Variants in TRPM2 observed in about 807,000 individuals in gnomAD.
TRPM2 encodes transient receptor potential cation channel subfamily M member 2, also known as estrogen-responsive element-associated gene 1 protein.
A neutral mutation model predicts 174.0 loss-of-function variants in TRPM2; 161 were observed. That is an observed-to-expected ratio of 0.93 (90% CI 0.81 to 1.05). The LOEUF (loss-of-function observed/expected upper bound fraction) is 1.05. Ranked by LOEUF, TRPM2 falls within the 50% of genes least tolerant of loss-of-function variation. TRPM2 has a pLI of 0.00. For missense variants in TRPM2, 2,057 were observed against 2,038.0 expected, an observed-to-expected ratio of 1.01 and a Z score of -0.18; for synonymous variants, 954 against 861.3, an observed-to-expected ratio of 1.11 and a Z score of -1.88.
chr21:44,400,414 G>T (rs1490057248), intron 15 of TRPM2, 43 bp downstream of exon 15: 32 of 1,553,234 alleles, frequency 2.1e-5, no homozygotes, highest in Non-Finnish European at 2.7e-5. Flanking sequence ...GGGCTGCGGG[G>T]CTGCGGGAGA....
In TRPM2 at chr21:44,382,708, C is replaced by CTTG. The variant is rs1569041996; in HGVS notation, c.1216-6_1216-4dup. On this transcript the variant is annotated splice_polypyrimidine_tract_variant and intron_variant, in intron 8 of 31. Coordinates refer to ENST00000397928, the MANE Select transcript of TRPM2 (RefSeq NM_003307.4). ...CACTGTGTGTCTCACTTAGAAAATG[C>CTTG]TTGTTGCAGATCCAAGATATCGTCC... The CTTG allele has an allele frequency of 6.2e-7, 1 of 1,613,244 alleles. No homozygotes were observed. The highest frequency in any genetic ancestry group is 1.1e-5 in the South Asian group (1 of 90,822).
chr21:44,413,755 G>T, intron 19 of TRPM2, 136 bp from the exon 20 acceptor site: 1 of 1,026,912 alleles, frequency 9.7e-7, no homozygotes, highest in Non-Finnish European at 1.4e-6. Flanking sequence ...GGTGACAGCT[G>T]AGGTCACCCA....
At chr21:44,427,394 C>G (rs753155074) in intron 27 of TRPM2, among the ~76,000 whole-genome samples, 5 of 152,166 alleles carry the variant, frequency 3.3e-5, no homozygotes, top group Non-Finnish European at 1.5e-5. Flanking sequence ...GATGGCTGTG[C>G]TGGGAGAGGA....
chr21:44,430,209 T>A (rs955056408), intron 27 of TRPM2, among the ~76,000 whole-genome samples: 1 of 152,214 alleles, frequency 6.6e-6, no homozygotes, highest in African/African-American at 2.4e-5. Context: ...AATTTGCCTA[T>A]AATTTATATT....
chr21:44,379,022 G>T lies in TRPM2; in HGVS notation c.1040G>T (p.Gly347Val). Residue 347 changes from glycine (G) to valine (V), a missense_variant, in exon 8 of 32, where the codon GGC (glycine) becomes GTC (valine). Transcript: ENST00000397928. ...LHTIDNATTN[G>V]TPCVVVEGSG... is the part of the protein sequence containing the mutation. Reference sequence around the variant, plus strand: ...ACCATCGACAACGCCACCACCAACGGCACCCCCTGTGTGGTTGTGGAGGGC... The same window carrying T: ...ACCATCGACAACGCCACCACCAACGTCACCCCCTGTGTGGTTGTGGAGGGC... 1 of 1,608,342 alleles carries T rather than the reference G, an allele frequency of 6.2e-7. No individual in the cohort carries two copies. The highest frequency in any genetic ancestry group is 8.5e-7 in the Non-Finnish European group (1 of 1,179,928).
At chr21:44,368,484 G>A (rs995834543) in intron 4 of TRPM2, among the ~76,000 whole-genome samples, 1 of 150,792 alleles carries the variant, frequency 6.6e-6, no homozygotes, top group African/African-American at 2.4e-5. Context: ...GGAGTGCAGT[G>A]GTGGTGGCGC....
chr21:44,378,096 G>T (rs1201883283), intron 7 of TRPM2, among the ~76,000 whole-genome samples: 4 of 152,176 alleles, frequency 2.6e-5, no homozygotes, highest in Admixed American at 6.5e-5. Flanking sequence ...GAGGCTGGGG[G>T]GTTTCTACAA....
intron 9 of TRPM2, among the ~76,000 whole-genome samples, chr21:44,383,051 C>A (rs924035529): frequency 5.3e-5 from 8 of 152,182 alleles, no homozygotes. Flanking sequence ...CAGCCTGTGT[C>A]ATTTTTACCT....
chr21:44,438,469 G>A lies in TRPM2; in HGVS notation c.4168-598G>A, dbSNP rs369585173. 5.7e-4 allele frequency among the ~76,000 whole-genome samples: 87 copies of A among 152,288 alleles called. No homozygotes were observed. The highest frequency in any genetic ancestry group is 1.8e-3 in the African/African-American group (76 of 41,570). ...AGTGTCATGGGGCTGAGGTGGGACCGTCTTGACGTGGCCTGCAAAGTCTTC... is the reference window on the plus strand; with the variant it reads ...AGTGTCATGGGGCTGAGGTGGGACCATCTTGACGTGGCCTGCAAAGTCTTC... On this transcript the variant is annotated intron_variant, in intron 29 of 31. Transcript: ENST00000397928. The surrounding 1 kb of genome is among the most constrained non-coding windows in gnomAD (Gnocchi z 5.9).
intron 16 of TRPM2, among the ~76,000 whole-genome samples, chr21:44,403,798 CAG>C (rs1569071422): frequency 6.6e-6 from 1 of 150,690 alleles, no homozygotes; most frequent in East Asian, 1.9e-4. Context: ...CAAATATACA[CAG>C]ATAAACACAT....
At chr21:44,403,549 CACACAT>C (rs919645244) in intron 16 of TRPM2, among the ~76,000 whole-genome samples, 29 of 151,662 alleles carry the variant, frequency 1.9e-4, no homozygotes, top group Admixed American at 1.2e-3. Context: ...CATAGGCACA[CACACAT>C]ACATACATGC....
intron 27 of TRPM2, among the ~76,000 whole-genome samples, chr21:44,428,021 G>A (rs138179603): frequency 1.1e-4 from 16 of 152,288 alleles, no homozygotes; most frequent in South Asian, 2.1e-4. Flanking sequence ...CTGCTCTCAC[G>A]GGTGGCTGCC....
intron 30 of TRPM2, among the ~76,000 whole-genome samples, chr21:44,440,310 A>AGAGATTCCGTCTC (rs1569125771): frequency 1.9e-3 from 7 of 3,756 alleles, no homozygotes; most frequent in African/African-American, 6.2e-3. Context: ...CGCTCAAAAA[A>AGAGATTCCGTCTC]AAAAAAAAAA....
chr21:44,429,817 C>T (rs575990525), intron 27 of TRPM2, among the ~76,000 whole-genome samples: 1 of 152,050 alleles, frequency 6.6e-6, no homozygotes, highest in South Asian at 2.1e-4. Context: ...TGGGTAAATT[C>T]TTCAGTGTAA....
At position 44,382,714 on chromosome 21, in the gene TRPM2, G is replaced by T. The variant is rs530083183; in HGVS notation, c.1216-4G>T. On this transcript the variant is annotated splice_polypyrimidine_tract_variant and splice_region_variant and intron_variant, in intron 8 of 31. Coordinates refer to ENST00000397928, the MANE Select transcript of TRPM2 (RefSeq NM_003307.4). ...GTGTCTCACTTAGAAAATGCTTGTT[G>T]CAGATCCAAGATATCGTCCGGAGGC... The T allele has an allele frequency of 1.7e-5, 28 of 1,613,722 alleles. No individual in the cohort carries two copies. The East Asian group carries it at 2.0e-4, about 12-fold the overall frequency.
Position 44,399,507 on chromosome 21 carries a change from C to A in TRPM2, c.2208+66C>A. 3 of 1,547,778 alleles carry A rather than the reference C, an allele frequency of 1.9e-6. No individual in the cohort carries two copies. Among genetic ancestry groups the A allele is most frequent in the Non-Finnish European group, 2.6e-6 (3 of 1,146,660 alleles). ...GTGCCTGCAGGGCGGACACAGCCTCCTGTTCGTGCAGTTGGCACGCACACT... is the reference window on the plus strand; with the variant it reads ...GTGCCTGCAGGGCGGACACAGCCTCATGTTCGTGCAGTTGGCACGCACACT... On this transcript the variant is annotated intron_variant, in intron 14 of 31. Coordinates refer to ENST00000397928, the MANE Select transcript of TRPM2 (RefSeq NM_003307.4). The surrounding 1 kb of genome is among the most constrained non-coding windows in gnomAD (Gnocchi z 4.6).
Position 44,438,969 on chromosome 21 carries a change from C to A in TRPM2, c.4168-98C>A. The A allele has an allele frequency of 1.0e-6, 1 of 974,994 alleles. No homozygotes were observed. 60.4% of individuals were successfully genotyped at this position (974,994 alleles called of 1,614,324 possible). On this transcript the variant is annotated intron_variant, in intron 29 of 31. Coordinates refer to ENST00000397928, the MANE Select transcript of TRPM2 (RefSeq NM_003307.4). The surrounding 1 kb of genome is among the most constrained non-coding windows in gnomAD (Gnocchi z 5.9). ...TGTGGCTCCCAGGGCTGGGCCGCTG[C>A]CCACGCCGGGCAGGAGGCCAGTGGA... is the stretch of plus-strand genomic sequence containing the variant.
At chr21:44,427,667 C>G (rs921170105) in intron 27 of TRPM2, among the ~76,000 whole-genome samples, 75 of 152,240 alleles carry the variant, frequency 4.9e-4, no homozygotes, top group African/African-American at 1.7e-3. Context: ...CCACCAGAAC[C>G]TGGGACTGGG....
chr21:44,441,429 A>G (rs1027322036), intron 31 of TRPM2, among the ~76,000 whole-genome samples: 16 of 152,308 alleles, frequency 1.1e-4, no homozygotes, highest in South Asian at 1.0e-3. Flanking sequence ...TGGGATGGGA[A>G]ATTCCATAAA....
Sources: allele counts gnomAD v4.1 joint callset (sites outside exome capture counted in the v4.1 genomes callset), GRCh38; gene constraint gnomAD v4.1.1; non-coding constraint Gnocchi (gnomAD v3.1); transcripts MANE v1.5; gene names NCBI Gene and HGNC (gene_info 2026-07-23, HGNC 2026-07-21).